POLR3A: variants seen among roughly 807,000 people sequenced by gnomAD.
POLR3A encodes DNA-directed RNA polymerase III subunit RPC1.
POLR3A carries 112 observed loss-of-function variants against 152.8 expected under a neutral mutation model. That is an observed-to-expected ratio of 0.73 (90% CI 0.63 to 0.86). The LOEUF (loss-of-function observed/expected upper bound fraction) is 0.86. Ranked by LOEUF, POLR3A falls within the 40% of genes least tolerant of loss-of-function variation. The pLI is 0.00. For synonymous variants in POLR3A, 615 were observed against 652.1 expected, an observed-to-expected ratio of 0.94 and a Z score of 0.87; for missense variants, 1,385 against 1,743.1, an observed-to-expected ratio of 0.79 and a Z score of 3.66.
intron 29 of POLR3A, among the ~76,000 whole-genome samples, chr10:77,980,918 G>A (rs1260561485): frequency 6.6e-6 from 1 of 152,006 alleles, no homozygotes; most frequent in African/African-American, 2.4e-5. Context: ...ATGAAAACCT[G>A]CTGCCCTAAG....
At chr10:78,010,085 C>CA in intron 12 of POLR3A, 94 bp from the exon 13 acceptor site, 1 of 1,491,980 alleles carries the variant, frequency 6.7e-7, no homozygotes, top group African/African-American at 1.4e-5. Flanking sequence ...GAACCATGAC[C>CA]AACAGCGTGA....
chr10:77,996,592 T>C (rs1359184992), intron 19 of POLR3A, among the ~76,000 whole-genome samples: 96 of 151,750 alleles, frequency 6.3e-4, no homozygotes, highest in Admixed American at 1.2e-3. Context: ...GACACATACA[T>C]CCTCCCAAGA....
chr10:78,009,780 C>G (rs1018107425), intron 13 of POLR3A, 84 bp downstream of exon 13: 2 of 1,608,278 alleles, frequency 1.2e-6, no homozygotes, highest in African/African-American at 2.7e-5. Context: ...AGCCTAGCAC[C>G]AACACGGTTC....
At chr10:77,985,130 A>G (rs1193958774) in intron 24 of POLR3A, 40 bp downstream of exon 24, 3 of 1,525,678 alleles carry the variant, frequency 2.0e-6, no homozygotes, top group Non-Finnish European at 1.8e-6. Flanking sequence ...AGGAAACAGG[A>G]CAGGCATGTG....
Position 77,982,300 on chromosome 10 carries a change from G to C in POLR3A, c.3613C>G (p.Pro1205Ala). The change falls in exon 28 of 31, where the codon CCA becomes GCA. Residue 1205 changes from proline (P) to alanine (A), a missense_variant. Pro to Ala is a conservative substitution (Grantham distance 27). Around this residue, in one of 7 missense-constraint regions of POLR3A, gnomAD observed 332 missense variants for 400.1 expected, o/e 0.83. Transcript: ENST00000372371. ...DLPKVVVQGIPEVSRAVIHID... is the reference protein window; with the variant it reads ...DLPKVVVQGIAEVSRAVIHID... ...TGGATGACAGCTCTGGACACCTCTG[G>C]AATGCCCTGCACCACCACCTGGATT... The C allele has an allele frequency of 6.2e-7, 1 of 1,614,024 alleles. No individual in the cohort carries two copies. The highest frequency in any genetic ancestry group is 8.5e-7 in the Non-Finnish European group (1 of 1,179,970).
rs1365909945 is a variant in POLR3A, at chr10:77,976,035, C to CA, written c.*1442dup. 11 of 152,090 alleles carry CA rather than the reference C, an allele frequency of 7.2e-5. No homozygotes were observed. In the East Asian group the frequency reaches 2.1e-3, roughly 29 times the overall value. The allele number at this position is 152,090 out of a possible 1,614,324, so 9.4% of individuals were successfully genotyped here. On this transcript the variant is annotated 3_prime_UTR_variant, in exon 31 of 31. Coordinates refer to ENST00000372371, the MANE Select transcript of POLR3A (RefSeq NM_007055.4). The stretch of plus-strand genomic sequence containing the variant: ...TTTTTTTTCCACATCACTGATACCC[C>CA]AAGAGAAGTTAATAGGTCTACCTTG...
At chr10:77,986,954 G>A (rs1355911649) in intron 21 of POLR3A, among the ~76,000 whole-genome samples, 1 of 152,172 alleles carries the variant, frequency 6.6e-6, no homozygotes, top group Non-Finnish European at 1.5e-5. Context: ...CAGGTTTTCT[G>A]GCAACCACTC....
At position 77,982,268 on chromosome 10, in the gene POLR3A, G is replaced by A. The variant is rs147591223; in HGVS notation, c.3645C>T (p.Asp1215=). ...TGTACTTCTCCTTTCCACTCTGCTC[G>A]TCAATGTGGATGACAGCTCTGGACA... ...PEVSRAVIHI[D]EQSGKEKYKL... Residue 1215 remains aspartate (D), a synonymous_variant, in exon 28 of 31, where the codon GAC becomes GAT. Coordinates refer to ENST00000372371, the MANE Select transcript of POLR3A (RefSeq NM_007055.4). The A allele has an allele frequency of 1.0e-3, 1,678 of 1,613,608 alleles. 19 individuals carry two copies. The African/African-American group carries it at 0.02, about 19-fold the overall frequency.
At chr10:77,987,103 G>A (rs534264825) in intron 21 of POLR3A, among the ~76,000 whole-genome samples, 8 of 152,268 alleles carry the variant, frequency 5.3e-5, no homozygotes, top group Admixed American at 5.2e-4. Flanking sequence ...ACAGAGGAGC[G>A]GTTAACATCC....
rs1847151433 is a variant in POLR3A at position 77,982,090 on chromosome 10, AGGCCTGCAGAT to A, written c.3759+53_3759+63del. 8 of 999,120 alleles carry A rather than the reference AGGCCTGCAGAT, an allele frequency of 8.0e-6. No individual in the cohort carries two copies. The South Asian group carries it at 1.0e-4, about 13-fold the overall frequency. 61.9% of individuals were successfully genotyped at this position (999,120 alleles called of 1,614,324 possible). A position where few individuals can be genotyped will look rare whatever the true frequency, so the allele number is the denominator to read the frequency against. On this transcript the variant is annotated intron_variant, in intron 28 of 30. Transcript: ENST00000372371. ...AAGAAGTATACTGGGAATCAGTGGA[AGGCCTGCAGAT>A]GGCACAAGGAAGACAGCCTAACCCT...
At chr10:77,992,262 CTT>C (rs67659884) in intron 20 of POLR3A, among the ~76,000 whole-genome samples, 27 of 150,018 alleles carry the variant, frequency 1.8e-4, no homozygotes, top group African/African-American at 6.1e-4. Context: ...CTGAAAACAA[CTT>C]TTTTTTTCAT....
In POLR3A at chr10:77,982,146, A is replaced by G. The variant is rs943547296; in HGVS notation, c.3759+8T>C. 6.3e-7 allele frequency: 1 copy of G among 1,597,808 alleles called. No individual in the cohort carries two copies. Among genetic ancestry groups the G allele is most frequent in the Middle Eastern group, 1.7e-4 (1 of 5,940 alleles). On this transcript the variant is annotated splice_region_variant and intron_variant, in intron 28 of 30. Transcript: ENST00000372371. ...AACCCTAAGGCGACCCCGTGGGCTG[A>G]GTGGTACCTCATAGGTGTTATTGGA...
At chr10:78,006,395 CAAAAAAAAAAAAAAAAA>C (rs36050560) in intron 15 of POLR3A, among the ~76,000 whole-genome samples, 1 of 21,936 alleles carries the variant, frequency 4.6e-5, no homozygotes, top group Admixed American at 4.8e-4. Flanking sequence ...GACTCTGTCT[CAAAAAAAAAAAAAAAAA>C]AAAAAAAAAG....
At chr10:78,005,803 T>C (rs544263623) in intron 15 of POLR3A, among the ~76,000 whole-genome samples, 2 of 152,288 alleles carry the variant, frequency 1.3e-5, no homozygotes, top group East Asian at 3.9e-4. Context: ...ACCAGGCAGA[T>C]GAAATAACTG....
At chr10:77,978,853 G>A (rs147562271) in intron 30 of POLR3A, among the ~76,000 whole-genome samples, 7 of 151,262 alleles carry the variant, frequency 4.6e-5, no homozygotes, top group Non-Finnish European at 1.0e-4. Flanking sequence ...TAGTAGAGAC[G>A]GGGTCTCACC....
intron 19 of POLR3A, among the ~76,000 whole-genome samples, chr10:77,994,715 G>C (rs1018650504): frequency 6.6e-6 from 1 of 152,134 alleles, no homozygotes; most frequent in Admixed American, 6.5e-5. Flanking sequence ...GGGGAGAAGG[G>C]AACCAAGTTG....
Position 78,019,334 on chromosome 10 carries a change from C to T in POLR3A, c.1186-69G>A, listed in dbSNP as rs80017246. ...GAAACTAACAAATGATACTGAAATG[C>T]GTCTTAATCTTTACTTTCCTTGTTC... On this transcript the variant is annotated intron_variant, in intron 8 of 30. Coordinates refer to ENST00000372371, the MANE Select transcript of POLR3A (RefSeq NM_007055.4). 9.6e-4 allele frequency: 998 copies of T among 1,043,016 alleles called. 9 individuals are homozygous for T. The African/African-American group carries it at 0.013, about 14-fold the overall frequency. 64.6% of individuals were successfully genotyped at this position (1,043,016 alleles called of 1,614,324 possible).
In POLR3A at chr10:77,993,369, TA is replaced by T; in HGVS notation, c.2617-3del. 6.2e-7 allele frequency: 1 copy of T among 1,612,998 alleles called. No homozygotes were observed. The highest frequency in any genetic ancestry group is 2.2e-5 in the East Asian group (1 of 44,850). ...TTCAAGAGATTTGACAAGCCTTCGCTAAAGGAAAAGGAGGAAAAAGCTCAGC... is the reference window on the plus strand; with the variant it reads ...TTCAAGAGATTTGACAAGCCTTCGCTAAGGAAAAGGAGGAAAAAGCTCAGC... On this transcript the variant is annotated splice_polypyrimidine_tract_variant and splice_region_variant and intron_variant, in intron 19 of 30. Transcript: ENST00000372371.
chr10:78,007,646 C>G (rs748120263), intron 15 of POLR3A, 56 bp downstream of exon 15: 9 of 1,466,146 alleles, frequency 6.1e-6, no homozygotes, highest in Non-Finnish European at 8.6e-6. Context: ...TAACGTAAAC[C>G]CTTAAGACTC....
Sources: gnomAD v4.1 joint callset for allele counts (sites outside exome capture counted in the v4.1 genomes callset) on GRCh38, gnomAD v4.1.1 for gene constraint, gnomAD v4.1.1 regional missense constraint, MANE v1.5 for transcripts, NCBI Gene and HGNC (gene_info 2026-07-23, HGNC 2026-07-21) for gene names.